Variants in PTPRD observed in about 807,000 individuals in gnomAD.
The protein encoded by PTPRD is protein tyrosine phosphatase receptor type D, also known as receptor-type tyrosine-protein phosphatase delta.
In PTPRD, 34 loss-of-function variants were observed where a neutral mutation model predicts 214.5. The ratio of observed to expected loss-of-function variants is 0.16; its 90% CI spans 0.12 to 0.21. PTPRD has a LOEUF of 0.21. Ranked by LOEUF, PTPRD falls within the 10% of genes least tolerant of loss-of-function variation. The pLI is 1.00. For synonymous variants in PTPRD, 1,128 were observed against 845.7 expected (o/e 1.33, Z -5.79); for missense variants, 2,545 against 2,398.7 (o/e 1.06, Z -1.27).
At chr9:9,848,630 A>G (rs1023537034) in intron 5 of PTPRD, among the ~76,000 whole-genome samples, 6 of 152,264 alleles carry the variant, frequency 3.9e-5, no homozygotes, top group South Asian at 2.1e-4. Context: ...CCTTCAATCT[A>G]TATTTTCTAT....
intron 3 of PTPRD, among the ~76,000 whole-genome samples, chr9:10,260,257 A>T (rs2093606318): frequency 1.3e-5 from 2 of 152,150 alleles, no homozygotes; most frequent in East Asian, 3.9e-4. Flanking sequence ...TACCAAATAC[A>T]CAGAACCCCT....
intron 8 of PTPRD, among the ~76,000 whole-genome samples, chr9:9,454,027 T>C (rs746444610): frequency 5.3e-5 from 8 of 151,814 alleles, no homozygotes; most frequent in African/African-American, 1.4e-4. Flanking sequence ...ATGTTCCCTT[T>C]TTATATTTTC....
At chr9:9,055,172 A>G (rs1049411595) in intron 10 of PTPRD, among the ~76,000 whole-genome samples, 4 of 152,192 alleles carry the variant, frequency 2.6e-5, no homozygotes, top group African/African-American at 4.8e-5. Flanking sequence ...CATATGATAT[A>G]CAAGAAAACA....
intron 3 of PTPRD, among the ~76,000 whole-genome samples, chr9:10,049,679 G>C (rs1309931697): frequency 6.6e-6 from 1 of 152,178 alleles, no homozygotes; most frequent in Admixed American, 6.5e-5. Flanking sequence ...AGAATCTTCA[G>C]TAAAGAAAGA....
At chr9:10,089,218 T>TAAATAAATAAAC (rs1328812009) in intron 3 of PTPRD, among the ~76,000 whole-genome samples, 20 of 150,128 alleles carry the variant, frequency 1.3e-4, no homozygotes, top group African/African-American at 4.9e-4. Context: ...AATAAATAAA[T>TAAATAAATAAAC]AAATAAATAA....
intron 11 of PTPRD, among the ~76,000 whole-genome samples, chr9:9,017,909 C>T (rs889275115): frequency 2.0e-5 from 3 of 151,966 alleles, no homozygotes; most frequent in Admixed American, 1.3e-4. Flanking sequence ...TATTGAATAT[C>T]GTGTCTCTAT....
At chr9:10,602,557 T>C (rs916203409) in intron 2 of PTPRD, among the ~76,000 whole-genome samples, 6 of 151,714 alleles carry the variant, frequency 4.0e-5, no homozygotes, top group Admixed American at 1.3e-4. Flanking sequence ...GATCAACGTA[T>C]GAGAAAGACA....
At chr9:9,016,431 T>C (rs562866117) in intron 11 of PTPRD, among the ~76,000 whole-genome samples, 17 of 152,120 alleles carry the variant, frequency 1.1e-4, no homozygotes, top group Non-Finnish European at 1.9e-4. Flanking sequence ...CATCCAAAAA[T>C]GGGGACAAAC....
chr9:8,819,046 G>C (rs943782108), intron 11 of PTPRD, among the ~76,000 whole-genome samples: 1 of 152,172 alleles, frequency 6.6e-6, no homozygotes, highest in Non-Finnish European at 1.5e-5. Flanking sequence ...GGCATAAAAT[G>C]CTAGAAAATG....
intron 10 of PTPRD, among the ~76,000 whole-genome samples, chr9:9,161,818 A>C (rs1185431250): frequency 6.6e-6 from 1 of 152,018 alleles, no homozygotes; most frequent in Non-Finnish European, 1.5e-5. Flanking sequence ...GTAACACATC[A>C]TATAACAGTA....
intron 39 of PTPRD, among the ~76,000 whole-genome samples, chr9:8,345,919 T>C (rs1367258608): frequency 6.6e-6 from 1 of 152,090 alleles, no homozygotes; most frequent in African/African-American, 2.4e-5. Context: ...CCCCAAAATG[T>C]AGATAATGCT....
intron 9 of PTPRD, among the ~76,000 whole-genome samples, chr9:9,199,005 G>C (rs1021108000): frequency 2.6e-5 from 4 of 152,090 alleles, no homozygotes; most frequent in Non-Finnish European, 5.9e-5. Context: ...TGATTTTTAT[G>C]ATTAAATATT....
chr9:9,645,302 T>A (rs955967022), intron 7 of PTPRD, among the ~76,000 whole-genome samples: 1 of 152,136 alleles, frequency 6.6e-6, no homozygotes, highest in African/African-American at 2.4e-5. Context: ...TAATGCCTAT[T>A]TCTCAGAGTT....
intron 12 of PTPRD, among the ~76,000 whole-genome samples, chr9:8,700,022 C>T (rs1266672749): frequency 6.6e-6 from 1 of 152,088 alleles, no homozygotes; most frequent in African/African-American, 2.4e-5. Context: ...ATGGGACATA[C>T]AATACAAAAT....
chr9:9,619,513 TATA>T (rs2095105731), intron 7 of PTPRD, among the ~76,000 whole-genome samples: 1 of 145,432 alleles, frequency 6.9e-6, no homozygotes, highest in Non-Finnish European at 1.5e-5. Context: ...ATTATATAAA[TATA>T]ATATATAAAT....
At chr9:8,363,773 C>T (rs781537811) in intron 39 of PTPRD, among the ~76,000 whole-genome samples, 1 of 152,064 alleles carries the variant, frequency 6.6e-6, no homozygotes, top group Non-Finnish European at 1.5e-5. Context: ...GACAGACAGC[C>T]CCCACCCCCA....
chr9:8,322,634 C>T (rs1356150001), intron 44 of PTPRD, among the ~76,000 whole-genome samples: 1 of 152,100 alleles, frequency 6.6e-6, no homozygotes, highest in African/African-American at 2.4e-5. Context: ...AAGCCAACCC[C>T]ATAACATAAA....
intron 7 of PTPRD, among the ~76,000 whole-genome samples, chr9:9,639,431 C>T (rs1435230879): frequency 1.3e-5 from 2 of 152,266 alleles, no homozygotes; most frequent in South Asian, 2.1e-4. Flanking sequence ...TCCATGTGGC[C>T]AGTTGCTTCT....
intron 2 of PTPRD, among the ~76,000 whole-genome samples, chr9:10,381,357 T>C (rs1265499121): frequency 6.6e-6 from 1 of 152,036 alleles, no homozygotes; most frequent in Non-Finnish European, 1.5e-5. Context: ...AACCACCAAA[T>C]TCCCTCTGTA....
Sources: allele counts gnomAD v4.1 joint callset (sites outside exome capture counted in the v4.1 genomes callset), GRCh38; gene constraint gnomAD v4.1.1; transcripts MANE v1.5; gene names NCBI Gene and HGNC (gene_info 2026-07-23, HGNC 2026-07-21).